Variants in ARK2C observed in about 807,000 individuals in gnomAD.
ARK2C encodes arkadia (RNF111) C-terminal like ring finger ubiquitin ligase 2C, also known as E3 ubiquitin-protein ligase ARK2C.
At chr18:46,435,259 C>A in the ARK2C span, 4 of 1,596,082 alleles carry the variant, frequency 2.5e-6, no homozygotes, top group South Asian at 3.3e-5. Flanking sequence ...TAGCCCCTGA[C>A]ACGAGGGCTC....
the ARK2C span, among the ~76,000 whole-genome samples, chr18:46,345,709 CA>C: frequency 6.6e-6 from 1 of 152,228 alleles, no homozygotes. Context: ...ACTAAACAAG[CA>C]ACTCTTCTAC....
At chr18:46,383,876 G>A in the ARK2C span, among the ~76,000 whole-genome samples, 1 of 152,232 alleles carries the variant, frequency 6.6e-6, no homozygotes, top group African/African-American at 2.4e-5. Flanking sequence ...TAATGATAAC[G>A]ACTAACTTTA....
the ARK2C span, among the ~76,000 whole-genome samples, chr18:46,399,454 C>T: frequency 6.6e-6 from 1 of 152,204 alleles, no homozygotes; most frequent in African/African-American, 2.4e-5. Flanking sequence ...TGGGCCTCGG[C>T]ACGTGACCTC....
chr18:46,415,304 A>T, the ARK2C span, among the ~76,000 whole-genome samples: 1 of 152,286 alleles, frequency 6.6e-6, no homozygotes, highest in African/African-American at 2.4e-5. Flanking sequence ...GCGGATCACG[A>T]GGTCAGGAGA....
chr18:46,431,600 A>G, the ARK2C span, among the ~76,000 whole-genome samples: 1 of 152,200 alleles, frequency 6.6e-6, no homozygotes, highest in African/African-American at 2.4e-5. Flanking sequence ...GAGGGATTCC[A>G]AAGTTCCATA....
the ARK2C span, among the ~76,000 whole-genome samples, chr18:46,430,391 C>T: frequency 1.3e-5 from 2 of 152,270 alleles, no homozygotes; most frequent in East Asian, 1.9e-4. Context: ...TTCAGAACCA[C>T]CTCTTTGCTC....
At chr18:46,338,771 G>A in the ARK2C span, among the ~76,000 whole-genome samples, 3 of 152,164 alleles carry the variant, frequency 2.0e-5, no homozygotes, top group African/African-American at 7.2e-5. Context: ...GAGGAAATGA[G>A]TTGATTAAAG....
the ARK2C span, among the ~76,000 whole-genome samples, chr18:46,364,300 C>T: frequency 6.6e-6 from 1 of 152,004 alleles, no homozygotes; most frequent in Non-Finnish European, 1.5e-5. Context: ...CTGCCCTCCC[C>T]ACCTCCACCT....
chr18:46,384,177 C>T, the ARK2C span, among the ~76,000 whole-genome samples: 119 of 152,302 alleles, frequency 7.8e-4, no homozygotes, highest in African/African-American at 2.8e-3. Flanking sequence ...GGCCGTGCTT[C>T]CAGCCCAACC....
the ARK2C span, among the ~76,000 whole-genome samples, chr18:46,370,465 ACC>A: frequency 6.6e-6 from 1 of 151,942 alleles, no homozygotes; most frequent in Non-Finnish European, 1.5e-5. Context: ...GTTTAGGGGG[ACC>A]CTGCTCCCCA....
the ARK2C span, chr18:46,457,339 G>GT: frequency 1.3e-5 from 2 of 152,466 alleles, no homozygotes; most frequent in African/African-American, 4.8e-5. Context: ...TTTTATTTTT[G>GT]TTTTTGTTTT....
At chr18:46,414,775 C>T in the ARK2C span, among the ~76,000 whole-genome samples, 148 of 152,258 alleles carry the variant, frequency 9.7e-4, no homozygotes, top group Middle Eastern at 3.4e-3. Context: ...TGCCCCAGTG[C>T]GGAGGGCAGG....
chr18:46,373,223 C>G, the ARK2C span, among the ~76,000 whole-genome samples: 7 of 152,274 alleles, frequency 4.6e-5, no homozygotes, highest in Non-Finnish European at 1.0e-4. Context: ...GGGCATTAAG[C>G]TTGATCCCTG....
At chr18:46,343,113 T>A in the ARK2C span, among the ~76,000 whole-genome samples, 1 of 152,222 alleles carries the variant, frequency 6.6e-6, no homozygotes, top group Admixed American at 6.5e-5. Context: ...CTAGGCCGCT[T>A]GGTGCTGCTC....
the ARK2C span, among the ~76,000 whole-genome samples, chr18:46,406,594 C>T: frequency 6.6e-6 from 1 of 152,232 alleles, no homozygotes; most frequent in Non-Finnish European, 1.5e-5. Context: ...GTCTCCCTGC[C>T]AGGAGATGGG....
the ARK2C span, among the ~76,000 whole-genome samples, chr18:46,426,814 A>G: frequency 3.3e-5 from 5 of 152,260 alleles, 1 homozygote; most frequent in Admixed American, 3.3e-4. Context: ...CTGGGGAAAT[A>G]TGACAAATGC....
At chr18:46,361,700 G>A in the ARK2C span, among the ~76,000 whole-genome samples, 1 of 152,188 alleles carries the variant, frequency 6.6e-6, no homozygotes, top group African/African-American at 2.4e-5. Context: ...CCTACTCAAG[G>A]TGCAGGGCAC....
the ARK2C span, among the ~76,000 whole-genome samples, chr18:46,449,061 C>T: frequency 6.6e-6 from 1 of 152,288 alleles, no homozygotes; most frequent in South Asian, 2.1e-4. Flanking sequence ...TTACTACATA[C>T]CAGGCACTGT....
At chr18:46,390,763 T>C in the ARK2C span, among the ~76,000 whole-genome samples, 1 of 152,150 alleles carries the variant, frequency 6.6e-6, no homozygotes, top group Non-Finnish European at 1.5e-5. Context: ...GGGCTCAGGT[T>C]CCAGTTGCAC....
Sources: allele counts gnomAD v4.1 joint callset (sites outside exome capture counted in the v4.1 genomes callset), GRCh38; gene constraint gnomAD v4.1.1; transcripts MANE v1.5; gene names NCBI Gene and HGNC (gene_info 2026-07-23, HGNC 2026-07-21).